The following C2orf76 variants were observed in gnomAD, a reference collection of about 807,000 sequenced individuals.
C2orf76 encodes chromosome 2 open reading frame 76.
A neutral mutation model predicts 16.9 loss-of-function variants in C2orf76; 23 were observed. The observed-to-expected ratio is 1.36, with a 90% CI of 0.98 to 1.93. The LOEUF is 1.93. C2orf76 is among the 30% of genes most tolerant of loss of function. C2orf76 has a pLI of 0.00. For synonymous variants in C2orf76, 48 were observed against 52.3 expected (o/e 0.92, Z 0.35); for missense variants, 152 against 152.6 (o/e 1.00, Z 0.02).
chr2:119,366,024 T>C (rs7567529), intron 1 of C2orf76, among the ~76,000 whole-genome samples: 14,509 of 151,872 alleles, frequency 0.096, 922 homozygotes, highest in African/African-American at 0.18. Context: ...GCTTGGAATC[T>C]TCCCTCCCCT....
At chr2:119,310,465 T>C (rs753562282) in intron 5 of C2orf76, among the ~76,000 whole-genome samples, 4 of 152,204 alleles carry the variant, frequency 2.6e-5, no homozygotes, top group Non-Finnish European at 5.9e-5. Context: ...AGAAGATCTA[T>C]GTCAGGAATT....
At chr2:119,293,531 T>C in the C2orf76 span, among the ~76,000 whole-genome samples, 7 of 152,328 alleles carry the variant, frequency 4.6e-5, no homozygotes, top group African/African-American at 1.7e-4. Context: ...AGAATCACTG[T>C]GATGGCTGGG....
chr2:119,317,122 T>G (rs2104558414), intron 4 of C2orf76, among the ~76,000 whole-genome samples: 1 of 152,266 alleles, frequency 6.6e-6, no homozygotes, highest in African/African-American at 2.4e-5. Context: ...ATTAAGAAAA[T>G]CAAAGACACT....
intron 5 of C2orf76, among the ~76,000 whole-genome samples, chr2:119,307,128 G>A (rs978635129): frequency 7.2e-5 from 11 of 152,050 alleles, no homozygotes; most frequent in Non-Finnish European, 1.6e-4. Context: ...CTGAGGGAGG[G>A]AAAATTCCCT....
downstream of C2orf76, among the ~76,000 whole-genome samples, chr2:119,297,402 CAT>C (rs1312899272): frequency 7.2e-5 from 11 of 152,076 alleles, no homozygotes; most frequent in Non-Finnish European, 1.0e-4. Context: ...GTTTAAATAA[CAT>C]ATGTGCAAAA....
chr2:119,336,695 AAAAG>A lies in C2orf76; in HGVS notation c.133+3128_133+3131del, dbSNP rs767847932. 1.2e-4 allele frequency among the ~76,000 whole-genome samples: 19 copies of A among 152,226 alleles called. No homozygotes were observed. In the East Asian group the frequency reaches 1.7e-3, roughly 14 times the overall value. Reference sequence around the variant, plus strand: ...GGATCGAAAAATAAAATTTAATTTAAAAAGAAAGAAAGAAAGGCAATAAAGTGTG... The same window carrying A: ...GGATCGAAAAATAAAATTTAATTTAAAAAGAAAGAAAGGCAATAAAGTGTG... On this transcript the variant is annotated intron_variant, in intron 2 of 5. Coordinates refer to ENST00000334816, the MANE Select transcript of C2orf76 (RefSeq NM_001322331.2).
chr2:119,331,139 T>G (rs946989706), intron 2 of C2orf76, among the ~76,000 whole-genome samples: 3 of 152,208 alleles, frequency 2.0e-5, no homozygotes, highest in African/African-American at 7.2e-5. Context: ...TGCTGGATAT[T>G]TCTGTATTCC....
intron 2 of C2orf76, among the ~76,000 whole-genome samples, chr2:119,321,579 C>T (rs146547676): frequency 3.2e-4 from 49 of 152,212 alleles, no homozygotes; most frequent in Non-Finnish European, 5.9e-4. Context: ...ACCGTAAGAA[C>T]AGCATGGGAA....
the C2orf76 span, among the ~76,000 whole-genome samples, chr2:119,281,318 T>G: frequency 6.6e-6 from 1 of 152,162 alleles, no homozygotes; most frequent in Non-Finnish European, 1.5e-5. Context: ...TGTTCCCCTC[T>G]TTGTGTCCAC....
chr2:119,314,160 AT>A (rs1395335932), intron 4 of C2orf76, among the ~76,000 whole-genome samples: 1 of 151,746 alleles, frequency 6.6e-6, no homozygotes, highest in Non-Finnish European at 1.5e-5. Context: ...TCACGCCAAG[AT>A]TTTTTAAATT....
At chr2:119,328,977 C>A (rs545254362) in intron 2 of C2orf76, among the ~76,000 whole-genome samples, 5 of 152,196 alleles carry the variant, frequency 3.3e-5, no homozygotes, top group Admixed American at 3.3e-4. Flanking sequence ...CCTTTAAAAT[C>A]GATTAAGACT....
chr2:119,317,445 T>C (rs72829474), intron 4 of C2orf76, 21 bp downstream of exon 4: 51,378 of 1,574,396 alleles, frequency 0.033, 1,055 homozygotes, highest in Non-Finnish European at 0.039. Flanking sequence ...ATGTGCCAGA[T>C]ACTGTACCTG....
intron 2 of C2orf76, among the ~76,000 whole-genome samples, chr2:119,339,575 TA>T (rs11443971): frequency 3.0e-3 from 427 of 141,562 alleles, no homozygotes; most frequent in Admixed American, 4.0e-3. Flanking sequence ...TACTTTTAAT[TA>T]AAAAAAAAAA....
chr2:119,298,451 C>A (rs1362144580), downstream of C2orf76, among the ~76,000 whole-genome samples: 1 of 151,184 alleles, frequency 6.6e-6, no homozygotes, highest in African/African-American at 2.4e-5. Context: ...TTATCTAGTT[C>A]TGTATCATTA....
chr2:119,282,478 C>T, the C2orf76 span, among the ~76,000 whole-genome samples: 1 of 152,200 alleles, frequency 6.6e-6, no homozygotes, highest in African/African-American at 2.4e-5. Context: ...GCAGGCAGAG[C>T]TGGCTCTTAA....
intron 2 of C2orf76, among the ~76,000 whole-genome samples, chr2:119,337,067 A>T (rs10175289): frequency 0.48 from 61,754 of 127,394 alleles, 13,231 homozygotes; most frequent in African/African-American, 0.52. Context: ...TTATTTATTT[A>T]TTTTTTGAGA....
At chr2:119,338,328 A>G (rs548361562) in intron 2 of C2orf76, among the ~76,000 whole-genome samples, 3 of 152,380 alleles carry the variant, frequency 2.0e-5, no homozygotes, top group South Asian at 4.1e-4. Flanking sequence ...AAGGTTAATC[A>G]CTGAAGACAA....
At chr2:119,299,073 AC>A (rs1230175736), downstream of C2orf76, among the ~76,000 whole-genome samples, 6 of 147,528 alleles carry the variant, frequency 4.1e-5, no homozygotes, top group African/African-American at 1.5e-4. Flanking sequence ...AAATTACCAC[AC>A]CCAGCTAATT....
At chr2:119,296,492 A>G in the C2orf76 span, among the ~76,000 whole-genome samples, 1 of 152,196 alleles carries the variant, frequency 6.6e-6, no homozygotes, top group Admixed American at 6.5e-5. Flanking sequence ...TCCCAAGTAC[A>G]GATCCTTGGA....
Sources: gnomAD v4.1 joint callset for allele counts (sites outside exome capture counted in the v4.1 genomes callset) on GRCh38, gnomAD v4.1.1 for gene constraint, MANE v1.5 for transcripts, NCBI Gene and HGNC (gene_info 2026-07-23, HGNC 2026-07-21) for gene names.